Variants in FGD3 observed in about 807,000 individuals in gnomAD.
FGD3 encodes the protein FYVE, RhoGEF and PH domain containing 3.
In FGD3, 45 loss-of-function variants were observed where a neutral mutation model predicts 71.8. The observed-to-expected ratio is 0.63, with a 90% CI of 0.49 to 0.80. FGD3 has a LOEUF of 0.80. Among genes scored for constraint, FGD3 ranks in the 30% least tolerant of loss-of-function variants. The pLI is 0.00. For synonymous variants in FGD3, 378 were observed against 392.8 expected (o/e 0.96, Z 0.44); for missense variants, 844 against 951.5 (o/e 0.89, Z 1.49).
At chr9:93,030,148 T>C (rs1862301387) in intron 15 of FGD3, 152 bp downstream of exon 15, 1 of 866,110 alleles carries the variant, frequency 1.2e-6, no homozygotes, top group African/African-American at 1.7e-5. Flanking sequence ...TAGATACCCT[T>C]GAGTGCAAAA....
At chr9:93,014,057 C>T in intron 9 of FGD3, 59 bp downstream of exon 9, 1 of 1,538,752 alleles carries the variant, frequency 6.5e-7, no homozygotes, top group Non-Finnish European at 8.7e-7. Flanking sequence ...GCCTCAAGCC[C>T]AGGGCAGTGC....
At chr9:93,010,629 G>C (rs895766375) in intron 7 of FGD3, among the ~76,000 whole-genome samples, 3 of 135,794 alleles carry the variant, frequency 2.2e-5, no homozygotes, top group Non-Finnish European at 3.3e-5. Flanking sequence ...AGGAGAGAGA[G>C]ACACACAGAG....
At chr9:93,024,192 G>C (rs1374951585) in intron 14 of FGD3, among the ~76,000 whole-genome samples, 1 of 152,220 alleles carries the variant, frequency 6.6e-6, no homozygotes, top group Non-Finnish European at 1.5e-5. Flanking sequence ...CTTTTCTGGA[G>C]CATTTAGGAA....
chr9:92,975,635 G>C (rs1392705227), intron 2 of FGD3, among the ~76,000 whole-genome samples: 1 of 152,170 alleles, frequency 6.6e-6, no homozygotes, highest in East Asian at 1.9e-4. Flanking sequence ...ACAGGAGGGA[G>C]GAGGAGTTTT....
chr9:92,963,390 C>G (rs1453189684), intron 1 of FGD3, among the ~76,000 whole-genome samples: 1 of 152,180 alleles, frequency 6.6e-6, no homozygotes, highest in Non-Finnish European at 1.5e-5. Context: ...ACCTCCACCT[C>G]TGGGGTTCGA....
chr9:92,994,427 C>G (rs1466542579), intron 3 of FGD3, among the ~76,000 whole-genome samples: 2 of 151,758 alleles, frequency 1.3e-5, no homozygotes, highest in African/African-American at 4.8e-5. Flanking sequence ...TGCCTGTTCA[C>G]TCTGATGGTA....
At chr9:93,010,175 G>A in intron 6 of FGD3, 71 bp from the exon 7 acceptor site, 2 of 1,519,188 alleles carry the variant, frequency 1.3e-6, no homozygotes, top group Non-Finnish European at 1.8e-6. Flanking sequence ...GGCTGTGGTG[G>A]CCAGAAGCCG....
intron 1 of FGD3, among the ~76,000 whole-genome samples, chr9:92,951,282 G>A (rs1364966352): frequency 6.6e-6 from 1 of 152,132 alleles, no homozygotes; most frequent in Non-Finnish European, 1.5e-5. Context: ...GTCTTCTCTG[G>A]GTAAATTACT....
chr9:93,018,247 T>G, intron 11 of FGD3, 32 bp downstream of exon 11: 1 of 1,573,470 alleles, frequency 6.4e-7, no homozygotes, highest in Non-Finnish European at 8.7e-7. Context: ...GTGAATGTCT[T>G]TGACCTCATG....
intron 7 of FGD3, among the ~76,000 whole-genome samples, chr9:93,010,767 C>T (rs1861310068): frequency 6.6e-6 from 1 of 151,566 alleles, no homozygotes; most frequent in Non-Finnish European, 1.5e-5. Flanking sequence ...CCCCTAGCAG[C>T]CCAGGAAGGG....
intron 3 of FGD3, among the ~76,000 whole-genome samples, chr9:92,979,837 G>T (rs12351360): frequency 0.015 from 2,313 of 152,076 alleles, 66 homozygotes; most frequent in African/African-American, 0.052. Context: ...TTCCCAGGTT[G>T]TGTGTTTCTA....
At chr9:92,975,784 G>A (rs1346168894) in intron 2 of FGD3, among the ~76,000 whole-genome samples, 1 of 151,848 alleles carries the variant, frequency 6.6e-6, no homozygotes, top group Non-Finnish European at 1.5e-5. Context: ...CAGTGGTGAG[G>A]AGGAGGAGGA....
At chr9:93,011,393 T>C (rs962975172) in intron 8 of FGD3, 121 bp downstream of exon 8, 39 of 1,199,538 alleles carry the variant, frequency 3.3e-5, no homozygotes, top group Non-Finnish European at 4.5e-5. Flanking sequence ...GACTCTTTTA[T>C]ACCTCCTTCC....
At chr9:92,980,620 C>T (rs1859952745) in intron 3 of FGD3, among the ~76,000 whole-genome samples, 1 of 151,720 alleles carries the variant, frequency 6.6e-6, no homozygotes, top group African/African-American at 2.4e-5. Context: ...ACTGCTTTTA[C>T]TGCATTCCAT....
intron 1 of FGD3, among the ~76,000 whole-genome samples, chr9:92,948,201 C>T (rs1281140395): frequency 2.0e-5 from 3 of 150,140 alleles, no homozygotes; most frequent in African/African-American, 7.3e-5. Context: ...GCCATGGCAA[C>T]GGGGACCCCA....
At chr9:93,002,790 T>A (rs1860904837) in intron 3 of FGD3, 135 bp from the exon 4 acceptor site, 1 of 774,932 alleles carries the variant, frequency 1.3e-6, no homozygotes, top group Admixed American at 2.0e-5. Context: ...TGGCCCCTCC[T>A]GCCCCTTCTC....
chr9:92,950,048 C>A, intron 1 of FGD3, among the ~76,000 whole-genome samples: 1 of 126,610 alleles, frequency 7.9e-6, no homozygotes, highest in South Asian at 2.7e-4. Flanking sequence ...TTTTTTTTTT[C>A]TTTTTCTCCT....
intron 1 of FGD3, among the ~76,000 whole-genome samples, chr9:92,952,742 C>T (rs1259687181): frequency 6.6e-6 from 1 of 150,946 alleles, no homozygotes; most frequent in South Asian, 2.1e-4. Flanking sequence ...TTTCTCTTTC[C>T]TTCCCTTTTT....
chr9:92,993,248 C>T (rs1228499125), intron 3 of FGD3, among the ~76,000 whole-genome samples: 2 of 152,140 alleles, frequency 1.3e-5, no homozygotes, highest in Admixed American at 6.5e-5. Flanking sequence ...TGTAGGTGTA[C>T]ACCATTGCAT....
Sources: gnomAD v4.1 joint callset for allele counts (sites outside exome capture counted in the v4.1 genomes callset) on GRCh38, gnomAD v4.1.1 for gene constraint, MANE v1.5 for transcripts, NCBI Gene and HGNC (gene_info 2026-07-23, HGNC 2026-07-21) for gene names.